Variants in GRIN2B observed in about 807,000 individuals in gnomAD.
GRIN2B encodes glutamate receptor ionotropic, NMDA 2B.
A neutral mutation model predicts 114.5 loss-of-function variants in GRIN2B; 5 were observed. The ratio of observed to expected loss-of-function variants is 0.04; its 90% confidence interval spans 0.02 to 0.09. The LOEUF (loss-of-function observed/expected upper bound fraction) is 0.09. Among genes scored for constraint, GRIN2B ranks in the 10% least tolerant of loss-of-function variants. The pLI, the probability that GRIN2B is intolerant of heterozygous loss-of-function variation, is 1.00. For missense variants in GRIN2B, 1,108 were observed against 1,943.5 expected (o/e 0.57, Z 8.08); for synonymous variants, 787 against 745.1 (o/e 1.06, Z -0.92).
intron 10 of GRIN2B, among the ~76,000 whole-genome samples, chr12:13,585,564 A>G (rs1183799244): frequency 6.6e-6 from 1 of 152,200 alleles, no homozygotes; most frequent in Non-Finnish European, 1.5e-5. Context: ...GGGGTTCACA[A>G]CGGACCATCA....
chr12:13,958,889 T>C (rs1565600839), intron 2 of GRIN2B, among the ~76,000 whole-genome samples: 1 of 152,130 alleles, frequency 6.6e-6, no homozygotes, highest in Non-Finnish European at 1.5e-5. Context: ...AAAGACGTTA[T>C]AGAGACGTCA....
chr12:13,540,953 T>C lies in GRIN2B; in HGVS notation c.*21830A>G, dbSNP rs1948270514. 1 of 152,194 alleles carries C rather than the reference T, an allele frequency of 6.6e-6. No individual in the cohort carries two copies. Among genetic ancestry groups the C allele is most frequent in the Non-Finnish European group, 1.5e-5 (1 of 68,064 alleles). 9.4% of individuals were successfully genotyped at this position (152,194 alleles called of 1,614,324 possible). On this transcript the variant is annotated 3_prime_UTR_variant, in exon 14 of 14. Transcript: ENST00000609686. Reference sequence around the variant, plus strand: ...CTTTGGGAGGGGTGCAGCTGTGAATTTGCAACGCAACCCCATAGTGGATGC... The same window carrying C: ...CTTTGGGAGGGGTGCAGCTGTGAATCTGCAACGCAACCCCATAGTGGATGC...
At chr12:13,640,671 A>G (rs917152611) in intron 5 of GRIN2B, among the ~76,000 whole-genome samples, 6 of 152,198 alleles carry the variant, frequency 3.9e-5, no homozygotes, top group Non-Finnish European at 7.3e-5. Flanking sequence ...ATTCTAAAAA[A>G]TGTAATAACA....
At chr12:13,632,426 G>T (rs1949623561) in intron 5 of GRIN2B, among the ~76,000 whole-genome samples, 1 of 152,230 alleles carries the variant, frequency 6.6e-6, no homozygotes, top group Non-Finnish European at 1.5e-5. Context: ...AGTGTAATGT[G>T]TACTCTTCGG....
intron 2 of GRIN2B, among the ~76,000 whole-genome samples, chr12:13,926,540 A>T (rs1591625328): frequency 6.6e-6 from 1 of 152,304 alleles, no homozygotes; most frequent in East Asian, 1.9e-4. Flanking sequence ...TGCCCCATGG[A>T]TGGAACCTGG....
At chr12:13,798,737 CTT>C (rs750522766) in intron 3 of GRIN2B, among the ~76,000 whole-genome samples, 3 of 152,182 alleles carry the variant, frequency 2.0e-5, no homozygotes, top group Non-Finnish European at 4.4e-5. Context: ...TGTCTAATCT[CTT>C]TTATTCCCAC....
At chr12:13,948,536 G>A (rs61914322) in intron 2 of GRIN2B, among the ~76,000 whole-genome samples, 11,138 of 152,112 alleles carry the variant, frequency 0.073, 507 homozygotes, top group Middle Eastern at 0.13. Context: ...GTTCTGCTCT[G>A]ATGCCAAAGA....
chr12:13,906,470 T>C (rs940611062), intron 2 of GRIN2B, among the ~76,000 whole-genome samples: 3 of 152,232 alleles, frequency 2.0e-5, no homozygotes, highest in Admixed American at 2.0e-4. Context: ...AATAGGGTTG[T>C]AGAGAGACAA....
Position 13,543,448 on chromosome 12 carries a change from T to C in GRIN2B, c.*19335A>G, listed in dbSNP as rs1948307331. The C allele has an allele frequency of 6.6e-6, 1 of 152,224 alleles. No individual in the cohort carries two copies. The highest frequency in any genetic ancestry group is 2.4e-5 in the African/African-American group (1 of 41,446). 9.4% of individuals were successfully genotyped at this position (152,224 alleles called of 1,614,324 possible). On this transcript the variant is annotated 3_prime_UTR_variant, in exon 14 of 14. Coordinates refer to ENST00000609686, the MANE Select transcript of GRIN2B (RefSeq NM_000834.5). Reference sequence around the variant, plus strand: ...GCTTAGATTCCATGACCAAACATTATAGTTAACACACTGCAGTTGCCCTTG... The same window carrying C: ...GCTTAGATTCCATGACCAAACATTACAGTTAACACACTGCAGTTGCCCTTG...
intron 3 of GRIN2B, among the ~76,000 whole-genome samples, chr12:13,809,000 G>T (rs565039717): frequency 6.6e-6 from 1 of 152,166 alleles, no homozygotes; most frequent in African/African-American, 2.4e-5. Flanking sequence ...CTAGAGTACA[G>T]TGGAGGTGTA....
At chr12:13,713,427 C>A (rs1211809335) in intron 4 of GRIN2B, among the ~76,000 whole-genome samples, 1 of 151,902 alleles carries the variant, frequency 6.6e-6, no homozygotes, top group African/African-American at 2.4e-5. Flanking sequence ...GTATGACTCC[C>A]TCTAAAGAGG....
chr12:13,799,562 T>C (rs1327128947), intron 3 of GRIN2B, among the ~76,000 whole-genome samples: 1 of 152,138 alleles, frequency 6.6e-6, no homozygotes, highest in African/African-American at 2.4e-5. Context: ...CTTCTCCAGG[T>C]GCTGTTCCTG....
Position 13,770,483 on chromosome 12 carries a change from T to C in GRIN2B, c.412-16568A>G, listed in dbSNP as rs886489263. On this transcript the variant is annotated intron_variant, in intron 3 of 13. Coordinates refer to ENST00000609686, the MANE Select transcript of GRIN2B (RefSeq NM_000834.5). ...GTGGTTAAGCCGTTGTCAGAAAGACTAGTTTCTGAAATATTTAATAGGCTT... is the reference window on the plus strand; with the variant it reads ...GTGGTTAAGCCGTTGTCAGAAAGACCAGTTTCTGAAATATTTAATAGGCTT... 2.6e-5 allele frequency among the ~76,000 whole-genome samples: 4 copies of C among 152,238 alleles called. No individual in the cohort carries two copies. In the South Asian group the frequency reaches 6.2e-4, roughly 24 times the overall value.
chr12:13,667,890 A>G (rs1430444851), intron 5 of GRIN2B, among the ~76,000 whole-genome samples: 2 of 152,242 alleles, frequency 1.3e-5, no homozygotes, highest in African/African-American at 4.8e-5. Context: ...ATAAACATTA[A>G]TTACCTACAT....
intron 3 of GRIN2B, among the ~76,000 whole-genome samples, chr12:13,850,668 A>T (rs1865545572): frequency 6.6e-6 from 1 of 152,180 alleles, no homozygotes; most frequent in South Asian, 2.1e-4. Flanking sequence ...AAAGGGAGGA[A>T]GTCAACTTTG....
At chr12:13,628,681 C>T (rs1949593008) in intron 5 of GRIN2B, among the ~76,000 whole-genome samples, 1 of 152,196 alleles carries the variant, frequency 6.6e-6, no homozygotes, top group Non-Finnish European at 1.5e-5. Context: ...CTGCAGAGAG[C>T]TGCTTTTATC....
At chr12:13,849,663 G>C (rs898121521) in intron 3 of GRIN2B, among the ~76,000 whole-genome samples, 1 of 152,062 alleles carries the variant, frequency 6.6e-6, no homozygotes, top group African/African-American at 2.4e-5. Flanking sequence ...GAGATGAAAA[G>C]AACTTGCAAA....
In GRIN2B at chr12:13,563,367, G is replaced by C; in HGVS notation, c.3871C>G (p.Gln1291Glu). 6.2e-7 allele frequency: 1 copy of C among 1,614,160 alleles called. No homozygotes were observed. The highest frequency in any genetic ancestry group is 8.5e-7 in the Non-Finnish European group (1 of 1,180,038). The change falls in exon 14 of 14, where the codon CAG becomes GAG. Residue 1291 changes from glutamine to glutamate, a missense_variant. By Grantham distance (29) the Gln-to-Glu change is conservative (BLOSUM62 2). Coordinates refer to ENST00000609686, the MANE Select transcript of GRIN2B (RefSeq NM_000834.5). ...YPQSPTNSKA[Q>E]KKNRNKLRRQ... ...CGCAGTTTGTTCCGGTTCTTCTTCT[G>C]GGCCTTGGAATTAGTCGGGCTCTGA...
intron 3 of GRIN2B, among the ~76,000 whole-genome samples, chr12:13,788,529 C>G (rs181034843): frequency 7.2e-5 from 11 of 152,244 alleles, no homozygotes; most frequent in Admixed American, 7.2e-4. Context: ...GCCACCCAAC[C>G]TCGTTTTAAA....
Sources: allele counts gnomAD v4.1 joint callset (sites outside exome capture counted in the v4.1 genomes callset), GRCh38; gene constraint gnomAD v4.1.1; transcripts MANE v1.5; gene names NCBI Gene and HGNC (gene_info 2026-07-23, HGNC 2026-07-21).